PTPRK: variants seen among roughly 807,000 people sequenced by gnomAD.
The protein encoded by PTPRK is protein tyrosine phosphatase receptor type K, also known as receptor-type tyrosine-protein phosphatase kappa.
Under a neutral mutation model 178.0 loss-of-function variants are expected in PTPRK, and 75 were observed. That is an observed-to-expected ratio of 0.42 (90% CI 0.35 to 0.51). The LOEUF (loss-of-function observed/expected upper bound fraction) is 0.51, where lower values mean the gene tolerates loss of function less well. Among genes scored for constraint, PTPRK ranks in the 20% least tolerant of loss-of-function variants. The pLI, the probability that PTPRK is intolerant of heterozygous loss-of-function variation, is 0.02. For missense variants in PTPRK, 1,441 were observed against 1,797.8 expected (o/e 0.80, Z 3.59); for synonymous variants, 637 against 620.6 (o/e 1.03, Z -0.39).
chr6:128,186,916 T>G (rs910217145), intron 6 of PTPRK, among the ~76,000 whole-genome samples: 1 of 152,166 alleles, frequency 6.6e-6, no homozygotes, highest in East Asian at 1.9e-4. Flanking sequence ...GTGAATAAAC[T>G]GAGTTGCCTC....
At chr6:128,223,015 A>T (rs73590666) in intron 5 of PTPRK, among the ~76,000 whole-genome samples, 10,745 of 152,144 alleles carry the variant, frequency 0.071, 1,009 homozygotes, top group African/African-American at 0.22. Flanking sequence ...ATACTGCCTC[A>T]AAAACTCTAT....
chr6:128,373,059 C>G (rs1386335693), intron 2 of PTPRK, among the ~76,000 whole-genome samples: 3 of 151,768 alleles, frequency 2.0e-5, no homozygotes, highest in Admixed American at 1.3e-4. Flanking sequence ...TTAGCATTTC[C>G]CAGTAAAAGC....
At chr6:127,974,859 CT>C (rs1273082170) in intron 27 of PTPRK, among the ~76,000 whole-genome samples, 1 of 152,118 alleles carries the variant, frequency 6.6e-6, no homozygotes, top group Non-Finnish European at 1.5e-5. Context: ...TTGCATAATA[CT>C]TCCCCAAAAG....
intron 5 of PTPRK, among the ~76,000 whole-genome samples, chr6:128,235,190 A>C (rs1461188610): frequency 6.6e-6 from 1 of 152,164 alleles, no homozygotes; most frequent in Non-Finnish European, 1.5e-5. Flanking sequence ...TAATTCAAGA[A>C]TATTAAAAAC....
At chr6:128,003,244 C>A in intron 15 of PTPRK, 1 of 1,601,320 alleles carries the variant, frequency 6.2e-7, no homozygotes, top group Non-Finnish European at 8.5e-7. Context: ...TGCAGGAAAA[C>A]AAAGCTCATG....
At chr6:128,467,932 A>C (rs367683820) in intron 1 of PTPRK, among the ~76,000 whole-genome samples, 29 of 152,166 alleles carry the variant, frequency 1.9e-4, no homozygotes, top group African/African-American at 5.1e-4. Flanking sequence ...ATTAGAAGCA[A>C]ATGTAACTGT....
chr6:128,174,893 T>A (rs181424243), intron 7 of PTPRK, among the ~76,000 whole-genome samples: 1 of 151,750 alleles, frequency 6.6e-6, no homozygotes, highest in Non-Finnish European at 1.5e-5. Context: ...ATTATTAACC[T>A]GCATGTCTAC....
chr6:128,049,107 T>G (rs928321373), intron 13 of PTPRK, among the ~76,000 whole-genome samples: 1 of 152,168 alleles, frequency 6.6e-6, no homozygotes, highest in African/African-American at 2.4e-5. Context: ...AAATACTATG[T>G]TCAAATAAAT....
At chr6:128,487,064 G>A (rs115775485) in intron 1 of PTPRK, among the ~76,000 whole-genome samples, 1,761 of 149,164 alleles carry the variant, frequency 0.012, 35 homozygotes, top group African/African-American at 0.041. Context: ...ACTGAACCAG[G>A]GAATGTTAAC....
chr6:128,480,378 C>T (rs929250288), intron 1 of PTPRK, among the ~76,000 whole-genome samples: 2 of 149,358 alleles, frequency 1.3e-5, no homozygotes, highest in East Asian at 3.9e-4. Context: ...TTACTTTTGT[C>T]CTCCCAAACC....
intron 7 of PTPRK, among the ~76,000 whole-genome samples, chr6:128,106,312 G>A (rs867891853): frequency 1.3e-5 from 2 of 151,926 alleles, no homozygotes; most frequent in Non-Finnish European, 2.9e-5. Flanking sequence ...TAGTTTTGTT[G>A]TTGTTTCTTT....
chr6:128,121,746 T>C (rs958786074), intron 7 of PTPRK, among the ~76,000 whole-genome samples: 2 of 152,054 alleles, frequency 1.3e-5, no homozygotes, highest in Admixed American at 6.6e-5. Context: ...ATTTTAAATG[T>C]CTTTTAATGT....
intron 1 of PTPRK, among the ~76,000 whole-genome samples, chr6:128,493,350 C>G (rs1277318504): frequency 2.0e-5 from 3 of 152,098 alleles, no homozygotes; most frequent in Non-Finnish European, 2.9e-5. Context: ...ATCACGAGGT[C>G]AGGAGATCAA....
chr6:128,362,369 A>C (rs569064822), intron 2 of PTPRK, among the ~76,000 whole-genome samples: 1 of 76,264 alleles, frequency 1.3e-5, no homozygotes, highest in South Asian at 6.7e-4. Flanking sequence ...CCTGGCCCCC[A>C]TCACCAAGAC....
chr6:128,219,195 G>T, intron 5 of PTPRK, 99 bp from the exon 6 acceptor site: 1 of 1,141,736 alleles, frequency 8.8e-7, no homozygotes. Flanking sequence ...TATTCTTGTT[G>T]CAAAAGAGCC....
chr6:128,504,658 C>A (rs952788546), intron 1 of PTPRK, among the ~76,000 whole-genome samples: 5 of 151,072 alleles, frequency 3.3e-5, no homozygotes, highest in Non-Finnish European at 7.4e-5. Context: ...AGTAAGCAAT[C>A]AGAGCACCTG....
At chr6:128,334,205 AATTACCAAAATGTTACATTTT>A (rs1830625460) in intron 2 of PTPRK, among the ~76,000 whole-genome samples, 1 of 152,198 alleles carries the variant, frequency 6.6e-6, no homozygotes, top group Non-Finnish European at 1.5e-5. Flanking sequence ...ATATTGTGAG[AATTACCAAAATGTTACATTTT>A]GTTACACAAA....
At chr6:128,189,271 C>T (rs1803334616) in intron 6 of PTPRK, among the ~76,000 whole-genome samples, 1 of 110,076 alleles carries the variant, frequency 9.1e-6, no homozygotes, top group Admixed American at 1.3e-4. Flanking sequence ...GACAGAGTCT[C>T]ATCTGTTACC....
rs374777189 is a variant in PTPRK at position 128,084,777 on chromosome 6, A to G, written c.1466-953T>C. On this transcript the variant is annotated intron_variant, in intron 8 of 29. Coordinates refer to ENST00000368226, the MANE Select transcript of PTPRK (RefSeq NM_002844.4). ...CATGAATATCCAATTTCTAGTTCTG[A>G]TAATATTTTAAAATATATAGTATCT... 13 of 152,218 alleles carry G rather than the reference A, an allele frequency of 8.5e-5. 1 individual carries two copies. Among genetic ancestry groups the G allele is most frequent in the Admixed American group, 5.9e-4 (9 of 15,276 alleles). The allele number at this position is 152,218 out of a possible 1,614,324, so 9.4% of individuals were successfully genotyped here. A position where few individuals can be genotyped will look rare whatever the true frequency, so the allele number is the denominator to read the frequency against.
Sources: allele counts gnomAD v4.1 joint callset (sites outside exome capture counted in the v4.1 genomes callset), GRCh38; gene constraint gnomAD v4.1.1; transcripts MANE v1.5; gene names NCBI Gene and HGNC (gene_info 2026-07-23, HGNC 2026-07-21).